CDH13: variants seen among roughly 807,000 people sequenced by gnomAD.
CDH13 encodes the protein cadherin 13.
A neutral mutation model predicts 63.8 loss-of-function variants in CDH13; 24 were observed. The observed-to-expected ratio is 0.38, with a 90% CI of 0.27 to 0.53. The LOEUF is 0.53. Ranked by LOEUF, CDH13 falls within the 20% of genes least tolerant of loss-of-function variation. The pLI is 0.85. For missense variants in CDH13, 1,049 were observed against 903.1 expected, an observed-to-expected ratio of 1.16 and a Z score of -2.07; for synonymous variants, 503 against 355.3, an observed-to-expected ratio of 1.42 and a Z score of -4.67.
intron 5 of CDH13, among the ~76,000 whole-genome samples, chr16:83,267,865 C>T (rs971892379): frequency 2.6e-5 from 4 of 152,198 alleles, no homozygotes; most frequent in African/African-American, 9.6e-5. Context: ...TCACCACTTT[C>T]CCAGAAGTTC....
intron 4 of CDH13, among the ~76,000 whole-genome samples, chr16:83,137,223 T>TA (rs1243341732): frequency 6.6e-6 from 1 of 152,192 alleles, no homozygotes; most frequent in Non-Finnish European, 1.5e-5. Flanking sequence ...TTGCAGGTGT[T>TA]AAGTAACTTG....
intron 1 of CDH13, among the ~76,000 whole-genome samples, chr16:82,684,234 A>G (rs1269007912): frequency 1.3e-5 from 2 of 152,228 alleles, no homozygotes; most frequent in African/African-American, 2.4e-5. Context: ...GCTCAGATCT[A>G]GGATTCAGAA....
intron 1 of CDH13, among the ~76,000 whole-genome samples, chr16:82,690,831 C>T (rs991885882): frequency 2.7e-4 from 41 of 152,328 alleles, no homozygotes; most frequent in Non-Finnish European, 4.6e-4. Flanking sequence ...AGCCTGGCCT[C>T]GGCTGAGCTG....
At chr16:83,592,214 G>C (rs11642985) in intron 7 of CDH13, among the ~76,000 whole-genome samples, 55,355 of 152,034 alleles carry the variant, frequency 0.36, 11,814 homozygotes, top group Non-Finnish European at 0.46. Flanking sequence ...ATCAATGTCT[G>C]ATGAATTAAA....
At chr16:83,436,666 G>A (rs763096302) in intron 6 of CDH13, among the ~76,000 whole-genome samples, 2 of 152,188 alleles carry the variant, frequency 1.3e-5, no homozygotes, top group Non-Finnish European at 2.9e-5. Context: ...ATGCAGCCGT[G>A]ATGTGCCAAG....
At chr16:83,538,880 T>A (rs1262795672) in intron 7 of CDH13, among the ~76,000 whole-genome samples, 2 of 152,216 alleles carry the variant, frequency 1.3e-5, no homozygotes, top group Non-Finnish European at 2.9e-5. Flanking sequence ...TGTAAAAAAA[T>A]ATATGTTAGA....
chr16:82,655,916 C>G (rs918015952), intron 1 of CDH13, among the ~76,000 whole-genome samples: 2 of 152,054 alleles, frequency 1.3e-5, no homozygotes, highest in Non-Finnish European at 2.9e-5. Context: ...TTAGTGGGCA[C>G]CTGCTATGTG....
At chr16:83,190,953 T>C (rs2038678021) in intron 4 of CDH13, among the ~76,000 whole-genome samples, 1 of 152,006 alleles carries the variant, frequency 6.6e-6, no homozygotes, top group African/African-American at 2.4e-5. Flanking sequence ...CTCAGTTGGC[T>C]CATTTTGGTC....
intron 2 of CDH13, among the ~76,000 whole-genome samples, chr16:82,891,389 T>C (rs1445715717): frequency 6.6e-6 from 1 of 152,208 alleles, no homozygotes; most frequent in East Asian, 1.9e-4. Flanking sequence ...TGGGCATCTC[T>C]TCAAGGTTAA....
intron 10 of CDH13, among the ~76,000 whole-genome samples, chr16:83,681,974 C>G (rs72797221): frequency 0.15 from 22,526 of 152,184 alleles, 1,777 homozygotes; most frequent in Middle Eastern, 0.25. Flanking sequence ...TCTCCTCCTC[C>G]TCCTCCACAA....
intron 4 of CDH13, among the ~76,000 whole-genome samples, chr16:83,141,435 A>G (rs542885099): frequency 6.6e-6 from 1 of 152,282 alleles, no homozygotes; most frequent in Middle Eastern, 3.4e-3. Context: ...GATCATTTCT[A>G]CTGAGACTAA....
intron 1 of CDH13, among the ~76,000 whole-genome samples, chr16:82,763,506 G>C (rs1372392397): frequency 6.6e-6 from 1 of 152,134 alleles, no homozygotes; most frequent in Non-Finnish European, 1.5e-5. Flanking sequence ...AGGTTCACAT[G>C]GAGATGAGAG....
intron 5 of CDH13, among the ~76,000 whole-genome samples, chr16:83,307,710 A>G (rs1316488297): frequency 6.6e-6 from 1 of 152,184 alleles, no homozygotes; most frequent in Non-Finnish European, 1.5e-5. Context: ...AAAAGATAAC[A>G]CACCACCTGT....
intron 5 of CDH13, among the ~76,000 whole-genome samples, chr16:83,244,417 G>T (rs1418835434): frequency 6.6e-6 from 1 of 152,184 alleles, no homozygotes; most frequent in African/African-American, 2.4e-5. Context: ...GCAGTAAGAA[G>T]TAACACTGCT....
At chr16:83,701,679 C>T (rs1906252538) in intron 10 of CDH13, among the ~76,000 whole-genome samples, 1 of 152,176 alleles carries the variant, frequency 6.6e-6, no homozygotes, top group Non-Finnish European at 1.5e-5. Context: ...CGCCCTTATC[C>T]TCTCTTCTTC....
intron 7 of CDH13, among the ~76,000 whole-genome samples, chr16:83,577,095 T>A (rs1358967533): frequency 6.6e-6 from 1 of 152,248 alleles, no homozygotes; most frequent in Non-Finnish European, 1.5e-5. Context: ...GCTCCCTGGA[T>A]ACCTGGGGGT....
rs1909766975 is a variant in CDH13 at position 82,644,070 on chromosome 16, G to A, written c.45+16933G>A. Among the ~76,000 whole-genome samples, 1 of 152,138 alleles carries A rather than the reference G, an allele frequency of 6.6e-6. No homozygotes were observed. The highest frequency in any genetic ancestry group is 1.5e-5 in the Non-Finnish European group (1 of 68,034). On this transcript the variant is annotated intron_variant, in intron 1 of 13. Coordinates refer to ENST00000567109, the MANE Select transcript of CDH13 (RefSeq NM_001257.5). This position sits in a 1 kb window ranked among gnomAD's most constrained non-coding sequence, Gnocchi z 5.7. ...GTTTAGGATGGGGGGTGGTATGGAG[G>A]TCGGGTGGGGAGAAAGAGGAGAGAA...
intron 6 of CDH13, among the ~76,000 whole-genome samples, chr16:83,414,699 G>A (rs1363506209): frequency 1.3e-5 from 2 of 152,128 alleles, no homozygotes; most frequent in Non-Finnish European, 2.9e-5. Context: ...TTTATTTCAC[G>A]TCACATAATG....
intron 7 of CDH13, among the ~76,000 whole-genome samples, chr16:83,514,307 A>G (rs1338507601): frequency 6.6e-6 from 1 of 152,192 alleles, no homozygotes; most frequent in African/African-American, 2.4e-5. Flanking sequence ...GTTATGCTGG[A>G]TTAGGGTAGG....
Sources: allele counts gnomAD v4.1 joint callset (sites outside exome capture counted in the v4.1 genomes callset), GRCh38; gene constraint gnomAD v4.1.1; non-coding constraint Gnocchi (gnomAD v3.1); transcripts MANE v1.5; gene names NCBI Gene and HGNC (gene_info 2026-07-23, HGNC 2026-07-21).